The following ADAMTS19 variants were observed in gnomAD, a reference collection of about 807,000 sequenced individuals.
The protein encoded by ADAMTS19 is A disintegrin and metalloproteinase with thrombospondin motifs 19.
ADAMTS19 carries 93 observed loss-of-function variants against 153.3 expected under a neutral mutation model. The ratio of observed to expected loss-of-function variants is 0.61; its 90% CI spans 0.51 to 0.72. The LOEUF (loss-of-function observed/expected upper bound fraction) is 0.72, where lower values mean the gene tolerates loss of function less well. ADAMTS19 is among the 30% of genes least tolerant of loss of function. The probability of loss-of-function intolerance (pLI) is 0.00; values close to 1 mark genes in which losing one functional copy is unlikely to be tolerated. For missense variants in ADAMTS19, 1,482 were observed against 1,552.1 expected (o/e 0.95, Z 0.76); for synonymous variants, 600 against 556.6 (o/e 1.08, Z -1.10).
At chr5:129,510,879 A>ATATATATATATAT (rs1751420510) in intron 3 of ADAMTS19, among the ~76,000 whole-genome samples, 1 of 150,272 alleles carries the variant, frequency 6.7e-6, no homozygotes, top group African/African-American at 2.4e-5. Flanking sequence ...ATATATATAT[A>ATATATATATATAT]GTAGGCATGA....
chr5:129,726,846 A>AT (rs1757230992), intron 21 of ADAMTS19, among the ~76,000 whole-genome samples: 1 of 151,770 alleles, frequency 6.6e-6, no homozygotes, highest in Non-Finnish European at 1.5e-5. Context: ...CCCAGCTTTA[A>AT]TTTTTTCCAT....
intron 7 of ADAMTS19, among the ~76,000 whole-genome samples, chr5:129,559,295 A>G (rs1276718080): frequency 2.0e-5 from 3 of 152,084 alleles, no homozygotes; most frequent in African/African-American, 7.2e-5. Flanking sequence ...ACTTTTCTAA[A>G]TCAGTAAGTA....
chr5:129,616,609 T>C (rs541970188), intron 8 of ADAMTS19, among the ~76,000 whole-genome samples: 2 of 152,170 alleles, frequency 1.3e-5, no homozygotes, highest in South Asian at 2.1e-4. Context: ...TGAGAAGTTT[T>C]ATAAGATAAA....
At chr5:129,658,321 G>GAA (rs1554103309) in intron 14 of ADAMTS19, among the ~76,000 whole-genome samples, 1 of 86,334 alleles carries the variant, frequency 1.2e-5, no homozygotes, top group African/African-American at 4.3e-5. Context: ...AAGAAAGAAA[G>GAA]AAAGAAAGAA....
intron 2 of ADAMTS19, among the ~76,000 whole-genome samples, chr5:129,496,762 A>T (rs1214421704): frequency 2.0e-5 from 3 of 152,052 alleles, no homozygotes; most frequent in South Asian, 4.1e-4. Context: ...AAAATCACTG[A>T]GTGACTAACC....
chr5:129,654,275 T>C (rs751651170), intron 13 of ADAMTS19, 31 bp from the exon 14 acceptor site: 1 of 1,552,630 alleles, frequency 6.4e-7, no homozygotes, highest in Non-Finnish European at 8.6e-7. Context: ...GGTAACTTTT[T>C]CTCATTTCTT....
rs541650795 is a variant in ADAMTS19 at position 129,702,531 on chromosome 5, A to G, written c.3159+939A>G. Among the ~76,000 whole-genome samples the G allele has an allele frequency of 7.2e-5, 11 of 152,276 alleles. No homozygotes were observed. In the East Asian group the frequency reaches 2.1e-3, roughly 29 times the overall value. ...ATAATACAGTTTCTAAATGTCTGTC[A>G]ATTAACCCAACCCCCTCCAAAAAGC... On this transcript the variant is annotated intron_variant, in intron 20 of 22. Coordinates refer to ENST00000274487, the MANE Select transcript of ADAMTS19 (RefSeq NM_133638.6).
At position 129,650,346 on chromosome 5, in the gene ADAMTS19, C is replaced by T. The variant is rs190243795; in HGVS notation, c.2176+1376C>T. Among the ~76,000 whole-genome samples, 283 of 152,256 alleles carry T rather than the reference C, an allele frequency of 1.9e-3. 1 individual carries two copies. The highest frequency in any genetic ancestry group is 3.2e-4 in the Non-Finnish European group (22 of 68,018). On this transcript the variant is annotated intron_variant, in intron 13 of 22. Transcript: ENST00000274487. ...TGCTTTCCATCATTCCAGTTACACT[C>T]TTCTCAATAACCTAAACTCCATTGC...
At chr5:129,704,465 T>C in intron 21 of ADAMTS19, 74 bp downstream of exon 21, 8 of 1,508,390 alleles carry the variant, frequency 5.3e-6, no homozygotes, top group East Asian at 4.6e-5. Flanking sequence ...TATAACCACA[T>C]AGCATGGAGT....
rs1581019777 is a variant in ADAMTS19, at chr5:129,508,257, T to C, written c.748-820T>C. Among the ~76,000 whole-genome samples, 4 of 152,032 alleles carry C rather than the reference T, an allele frequency of 2.6e-5. No homozygotes were observed. The East Asian group carries it at 7.7e-4, about 29-fold the overall frequency. ...TATAGTTGAATGTATGCTATCTATA[T>C]GTATTAATTATACAGAGTTAAATAC... On this transcript the variant is annotated intron_variant, in intron 2 of 22. Coordinates refer to ENST00000274487, the MANE Select transcript of ADAMTS19 (RefSeq NM_133638.6).
chr5:129,706,876 T>C (rs543866269), intron 21 of ADAMTS19, among the ~76,000 whole-genome samples: 2 of 152,200 alleles, frequency 1.3e-5, no homozygotes, highest in Admixed American at 6.5e-5. Flanking sequence ...TATGCTAAAC[T>C]AAAAAAAATT....
chr5:129,695,550 T>G (rs2127149797), intron 19 of ADAMTS19, among the ~76,000 whole-genome samples: 1 of 152,178 alleles, frequency 6.6e-6, no homozygotes, highest in African/African-American at 2.4e-5. Context: ...TAAAGACAGG[T>G]GAGTGGAACC....
chr5:129,614,385 G>C (rs1371225968), intron 8 of ADAMTS19, among the ~76,000 whole-genome samples: 2 of 151,950 alleles, frequency 1.3e-5, no homozygotes, highest in African/African-American at 4.8e-5. Context: ...TTCAACATAC[G>C]AAAATCAATA....
At chr5:129,515,640 T>C (rs1349638365) in intron 3 of ADAMTS19, among the ~76,000 whole-genome samples, 1 of 152,068 alleles carries the variant, frequency 6.6e-6, no homozygotes, top group African/African-American at 2.4e-5. Flanking sequence ...ATGTTGATTT[T>C]GTATTCTGCA....
intron 10 of ADAMTS19, among the ~76,000 whole-genome samples, chr5:129,637,328 C>G (rs1341552022): frequency 1.3e-5 from 2 of 152,142 alleles, no homozygotes; most frequent in Admixed American, 6.5e-5. Flanking sequence ...TAATATCAAA[C>G]TTACCTGTAT....
chr5:129,699,422 C>CAAAAAAAA (rs536240544), intron 19 of ADAMTS19, among the ~76,000 whole-genome samples: 1 of 80,588 alleles, frequency 1.2e-5, no homozygotes, highest in African/African-American at 3.7e-5. Context: ...GACTTCATCT[C>CAAAAAAAA]AAAAAAAAAA....
At chr5:129,643,329 T>C (rs112174777) in intron 11 of ADAMTS19, among the ~76,000 whole-genome samples, 3,723 of 126,680 alleles carry the variant, frequency 0.029, 123 homozygotes, top group African/African-American at 0.1. Context: ...ACCACTGCAC[T>C]CCAGCCTGGG....
intron 17 of ADAMTS19, among the ~76,000 whole-genome samples, chr5:129,680,865 G>A (rs1205977763): frequency 6.6e-6 from 1 of 152,066 alleles, no homozygotes; most frequent in Non-Finnish European, 1.5e-5. Context: ...GCAGGTCCAT[G>A]TGCCCCTTTT....
intron 2 of ADAMTS19, among the ~76,000 whole-genome samples, chr5:129,472,605 C>T (rs188269595): frequency 6.6e-6 from 1 of 152,066 alleles, no homozygotes; most frequent in African/African-American, 2.4e-5. Context: ...TGTTTTCCCA[C>T]TCTTCAAATA....
Sources: allele counts gnomAD v4.1 joint callset (sites outside exome capture counted in the v4.1 genomes callset), GRCh38; gene constraint gnomAD v4.1.1; transcripts MANE v1.5; gene names NCBI Gene and HGNC (gene_info 2026-07-23, HGNC 2026-07-21).